Variants in ATP2B2 observed in about 807,000 individuals in gnomAD.
The protein encoded by ATP2B2 is plasma membrane calcium-transporting ATPase 2.
In ATP2B2, 15 loss-of-function variants were observed where a neutral mutation model predicts 120.0. The observed-to-expected ratio is 0.12, with a 90% CI of 0.08 to 0.19. The LOEUF (loss-of-function observed/expected upper bound fraction) is 0.19, where lower values mean the gene tolerates loss of function less well. Among genes scored for constraint, ATP2B2 ranks in the 10% least tolerant of loss-of-function variants. ATP2B2 has a pLI of 1.00. For synonymous variants in ATP2B2, 694 were observed against 700.3 expected, an observed-to-expected ratio of 0.99 and a Z score of 0.14; for missense variants, 1,045 against 1,719.8, an observed-to-expected ratio of 0.61 and a Z score of 6.94.
intron 7 of ATP2B2, 126 bp downstream of exon 7, chr3:10,386,354 G>C: frequency 9.5e-7 from 1 of 1,050,002 alleles, no homozygotes; most frequent in East Asian, 2.4e-5. Flanking sequence ...GGGTCTGGGG[G>C]GTGGAGCCAC....
intron 2 of ATP2B2, among the ~76,000 whole-genome samples, chr3:10,611,205 G>A (rs374727240): frequency 3.3e-5 from 5 of 152,248 alleles, no homozygotes; most frequent in African/African-American, 4.8e-5. Flanking sequence ...ACATTTCTTC[G>A]TAATGCTGTC....
Position 10,371,720 on chromosome 3 carries a change from T to G in ATP2B2, c.1659+89A>C, listed in dbSNP as rs1221302672. ...AAAATATATTAGCAGGATTTGAGAC[T>G]ATGAATCACATTGCTCAACCTGCCC... On this transcript the variant is annotated intron_variant, in intron 12 of 22. Coordinates refer to ENST00000360273, the MANE Select transcript of ATP2B2 (RefSeq NM_001001331.4). The G allele has an allele frequency of 2.5e-6, 4 of 1,594,462 alleles. No homozygotes were observed. The African/African-American group carries it at 5.4e-5, about 21-fold the overall frequency.
intron 3 of ATP2B2, among the ~76,000 whole-genome samples, chr3:10,528,199 G>C (rs994212516): frequency 6.6e-6 from 1 of 152,164 alleles, no homozygotes; most frequent in African/African-American, 2.4e-5. Context: ...AGGACTCTCT[G>C]TACAACTGGC....
chr3:10,691,443 C>T (rs1334233647), intron 1 of ATP2B2, among the ~76,000 whole-genome samples: 1 of 152,148 alleles, frequency 6.6e-6, no homozygotes, highest in Non-Finnish European at 1.5e-5. Context: ...CCTGGAGGGG[C>T]CTGAGGTCCT....
intron 1 of ATP2B2, among the ~76,000 whole-genome samples, chr3:10,499,393 A>G (rs1198493219): frequency 6.6e-6 from 1 of 152,216 alleles, no homozygotes; most frequent in African/African-American, 2.4e-5. Context: ...ACTGAGGCGA[A>G]GTCACTGGTT....
upstream of ATP2B2, among the ~76,000 whole-genome samples, chr3:10,506,487 A>G (rs1051495621): frequency 1.4e-4 from 21 of 152,322 alleles, no homozygotes; most frequent in Middle Eastern, 3.4e-3. Flanking sequence ...GCCCCTAGCC[A>G]GCTGCTCACC....
intron 1 of ATP2B2, among the ~76,000 whole-genome samples, chr3:10,633,825 C>A (rs558124861): frequency 6.6e-6 from 1 of 152,188 alleles, no homozygotes; most frequent in Non-Finnish European, 1.5e-5. Context: ...GGCTGTCCCC[C>A]CAACAGTTAT....
intron 17 of ATP2B2, 33 bp from the exon 18 acceptor site, chr3:10,345,608 T>C (rs1559538736): frequency 1.2e-6 from 2 of 1,608,320 alleles, no homozygotes; most frequent in Admixed American, 1.7e-5. Context: ...CTGGGTGGGG[T>C]GGCCGGGGGA....
chr3:10,533,881 G>C (rs1559444697), intron 3 of ATP2B2, among the ~76,000 whole-genome samples: 1 of 152,186 alleles, frequency 6.6e-6, no homozygotes. Context: ...GCCCAATGTT[G>C]CATAAATAAT....
intron 1 of ATP2B2, among the ~76,000 whole-genome samples, chr3:10,460,012 C>G (rs1037817940): frequency 6.6e-6 from 1 of 152,226 alleles, no homozygotes; most frequent in African/African-American, 2.4e-5. Context: ...GGTTCTTCTG[C>G]GGTCAGTATT....
intron 3 of ATP2B2, among the ~76,000 whole-genome samples, chr3:10,407,686 A>G (rs780496159): frequency 6.6e-6 from 1 of 152,160 alleles, no homozygotes; most frequent in African/African-American, 2.4e-5. Flanking sequence ...ATATGCTCAC[A>G]CTGTCCACCC....
At position 10,360,018 on chromosome 3, in the gene ATP2B2, T is replaced by C; in HGVS notation, c.1765A>G (p.Ser589Gly). 1 of 1,614,226 alleles carries C rather than the reference T, an allele frequency of 6.2e-7. No homozygotes were observed. The highest frequency in any genetic ancestry group is 8.5e-7 in the Non-Finnish European group (1 of 1,180,010). ...TACAACTTCTCCTCTGGCATCTGGC[T>C]GCGCACGGGCTCGTAGTCCTGCTTC... Reference protein sequence around the residue: ...DLKQDYEPVRSQMPEEKLYKV... With the variant: ...DLKQDYEPVRGQMPEEKLYKV... The change falls in exon 13 of 23, where the codon AGC becomes GGC. Residue 589 changes from serine to glycine, a missense_variant. This residue lies in a region of ATP2B2 where 343 missense variants were observed against 536.8 expected (regional missense o/e 0.64). Coordinates refer to ENST00000360273, the MANE Select transcript of ATP2B2 (RefSeq NM_001001331.4).
intron 2 of ATP2B2, among the ~76,000 whole-genome samples, chr3:10,557,601 T>C (rs1311209806): frequency 6.6e-6 from 1 of 152,208 alleles, no homozygotes; most frequent in Non-Finnish European, 1.5e-5. Flanking sequence ...AGAAACGGAC[T>C]GGGCATTTAG....
chr3:10,363,563 G>A (rs542015213), intron 12 of ATP2B2, among the ~76,000 whole-genome samples: 3 of 152,282 alleles, frequency 2.0e-5, no homozygotes, highest in East Asian at 1.9e-4. Context: ...AGGACAATTC[G>A]TGCTCTTGTT....
intron 1 of ATP2B2, among the ~76,000 whole-genome samples, chr3:10,484,045 G>A (rs1183278037): frequency 6.6e-6 from 1 of 152,216 alleles, no homozygotes; most frequent in Non-Finnish European, 1.5e-5. Flanking sequence ...TTGTGACCTT[G>A]AGCAACGACT....
chr3:10,667,425 A>G (rs1166840748), intron 1 of ATP2B2, among the ~76,000 whole-genome samples: 1 of 152,090 alleles, frequency 6.6e-6, no homozygotes, highest in East Asian at 1.9e-4. Context: ...CTTCATAAAA[A>G]TCCCCCAGAA....
At chr3:10,621,506 C>T (rs2069546964) in intron 1 of ATP2B2, among the ~76,000 whole-genome samples, 2 of 152,232 alleles carry the variant, frequency 1.3e-5, no homozygotes, top group Admixed American at 6.5e-5. Context: ...AAACTGAGGT[C>T]AGGAGAAGGG....
At chr3:10,623,625 G>A (rs2125627697) in intron 1 of ATP2B2, among the ~76,000 whole-genome samples, 1 of 152,318 alleles carries the variant, frequency 6.6e-6, no homozygotes, top group South Asian at 2.1e-4. Flanking sequence ...CGGAAGGCCT[G>A]CCTGCATCCT....
intron 3 of ATP2B2, among the ~76,000 whole-genome samples, chr3:10,532,142 T>C (rs1173488533): frequency 6.6e-6 from 1 of 152,174 alleles, no homozygotes; most frequent in African/African-American, 2.4e-5. Flanking sequence ...ACATAGATTG[T>C]AATTCAAACT....
Sources: gnomAD v4.1 joint callset for allele counts (sites outside exome capture counted in the v4.1 genomes callset) on GRCh38, gnomAD v4.1.1 for gene constraint, gnomAD v4.1.1 regional missense constraint, MANE v1.5 for transcripts, NCBI Gene and HGNC (gene_info 2026-07-23, HGNC 2026-07-21) for gene names.